Variants in ERCC5 observed in about 807,000 individuals in gnomAD.
The protein encoded by ERCC5 is ERCC excision repair 5, endonuclease.
Under a neutral mutation model 105.6 loss-of-function variants are expected in ERCC5, and 68 were observed. The ratio of observed to expected loss-of-function variants is 0.64; its 90% CI spans 0.53 to 0.79. The LOEUF (loss-of-function observed/expected upper bound fraction) is 0.79, where lower values mean the gene tolerates loss of function less well. ERCC5 is among the 30% of genes least tolerant of loss of function. The pLI is 0.00. For synonymous variants in ERCC5, 546 were observed against 526.2 expected (o/e 1.04, Z -0.51); for missense variants, 1,373 against 1,426.7 (o/e 0.96, Z 0.61).
chr13:102,856,011 T>C, intron 4 of ERCC5, 41 bp from the exon 5 acceptor site: 1 of 1,606,740 alleles, frequency 6.2e-7, no homozygotes, highest in Non-Finnish European at 8.5e-7. Flanking sequence ...TAAGGGGTCC[T>C]TAAAAATCAT....
intron 12 of ERCC5, 76 bp downstream of exon 12, chr13:102,868,333 A>C: frequency 6.4e-7 from 1 of 1,568,582 alleles, no homozygotes; most frequent in South Asian, 1.1e-5. Context: ...TATTTACAGC[A>C]TGAACTGTCA....
chr13:102,848,419 A>G (rs1882063549), intron 1 of ERCC5, among the ~76,000 whole-genome samples: 1 of 152,190 alleles, frequency 6.6e-6, no homozygotes, highest in Non-Finnish European at 1.5e-5. Flanking sequence ...TTATTTATAC[A>G]GTCTAAATGT....
chr13:102,852,087 C>G, intron 1 of ERCC5, 31 bp from the exon 2 acceptor site: 1 of 1,612,536 alleles, frequency 6.2e-7, no homozygotes, highest in Non-Finnish European at 8.5e-7. Context: ...GAGAAAAATC[C>G]CGGAGTTTTT....
chr13:102,867,120 G>A lies in ERCC5; in HGVS notation c.2533+275G>A, dbSNP rs3818356. On this transcript the variant is annotated intron_variant, in intron 11 of 14. Coordinates refer to ENST00000652225, the MANE Select transcript of ERCC5 (RefSeq NM_000123.4). Reference sequence around the variant, plus strand: ...ATCTCCACAGTGAACAAAAGGTGGTGGAGAGGGGAAGCAGGCCGCGCCTGG... The same window carrying A: ...ATCTCCACAGTGAACAAAAGGTGGTAGAGAGGGGAAGCAGGCCGCGCCTGG... 0.22 allele frequency among the ~76,000 whole-genome samples: 34,077 copies of A among 152,058 alleles called. 4,076 individuals are homozygous for A. The highest frequency in any genetic ancestry group is 0.34 in the East Asian group (1,738 of 5,146).
At chr13:102,871,213 C>T (rs1436280295) in intron 12 of ERCC5, among the ~76,000 whole-genome samples, 1 of 152,142 alleles carries the variant, frequency 6.6e-6, no homozygotes, top group Non-Finnish European at 1.5e-5. Context: ...GAGCCAAGAG[C>T]AGGAGGTCCA....
intron 1 of ERCC5, 136 bp from the exon 2 acceptor site, chr13:102,851,981 TA>T: frequency 9.8e-7 from 1 of 1,020,472 alleles, no homozygotes; most frequent in Non-Finnish European, 1.5e-6. Flanking sequence ...CCATGAGAGC[TA>T]AATGTTTTTC....
chr13:102,854,769 G>A (rs950250415), intron 4 of ERCC5, among the ~76,000 whole-genome samples: 14 of 152,134 alleles, frequency 9.2e-5, no homozygotes, highest in Non-Finnish European at 5.9e-5. Flanking sequence ...TCTAGCAGAC[G>A]CTTTGCACGT....
Position 102,862,164 on chromosome 13 carries a change from C to T in ERCC5, c.1015C>T (p.Pro339Ser), listed in dbSNP as rs1882646562. Reference protein sequence around the residue: ...LKTEKEPDATPPSPRTLLAMQ... With the variant: ...LKTEKEPDATSPSPRTLLAMQ... ...GACAGAGAAAGAGCCTGATGCTACC[C>T]CTCCTTCTCCAAGAACTTTACTAGC... Residue 339 changes from proline (P) to serine (S), a missense_variant, in exon 8 of 15, where the codon CCT becomes TCT. Pro to Ser is a moderately conservative substitution (Grantham distance 74). Around this residue, in one of 3 missense-constraint regions of ERCC5, gnomAD observed 1,004 missense variants for 1,059.7 expected, o/e 0.95. Coordinates refer to ENST00000652225, the MANE Select transcript of ERCC5 (RefSeq NM_000123.4). 1 of 1,614,152 alleles carries T rather than the reference C, an allele frequency of 6.2e-7. No homozygotes were observed. The highest frequency in any genetic ancestry group is 8.5e-7 in the Non-Finnish European group (1 of 1,180,024).
chr13:102,848,866 C>CA (rs1314926591), intron 1 of ERCC5, among the ~76,000 whole-genome samples: 1 of 152,118 alleles, frequency 6.6e-6, no homozygotes, highest in African/African-American at 2.4e-5. Flanking sequence ...TGAGAATTGG[C>CA]ATTACCTGTA....
intron 1 of ERCC5, among the ~76,000 whole-genome samples, chr13:102,851,243 TG>T (rs1463425227): frequency 6.6e-6 from 1 of 152,216 alleles, no homozygotes. Flanking sequence ...CACATGCTCC[TG>T]CAACTTCCAT....
At chr13:102,869,943 A>G (rs998793309) in intron 12 of ERCC5, among the ~76,000 whole-genome samples, 2 of 152,144 alleles carry the variant, frequency 1.3e-5, no homozygotes, top group Non-Finnish European at 2.9e-5. Context: ...TCATTTTCAT[A>G]TTTGAGCAGT....
Position 102,863,149 on chromosome 13 carries a change from C to T in ERCC5, c.1954+46C>T, listed in dbSNP as rs750792179. On this transcript the variant is annotated intron_variant, in intron 8 of 14. Coordinates refer to ENST00000652225, the MANE Select transcript of ERCC5 (RefSeq NM_000123.4). Reference sequence around the variant, plus strand: ...AGAAATCTGGAACGGTAGGATTTCCCCTCTGTAGGAATTCAGAGATCGGTT... The same window carrying T: ...AGAAATCTGGAACGGTAGGATTTCCTCTCTGTAGGAATTCAGAGATCGGTT... The T allele has an allele frequency of 1.9e-5, 30 of 1,589,762 alleles. 1 individual carries two copies. In the South Asian group the frequency reaches 3.2e-4, roughly 17 times the overall value.
intron 6 of ERCC5, 31 bp downstream of exon 6, chr13:102,858,449 G>T: frequency 6.2e-7 from 1 of 1,613,850 alleles, no homozygotes. Flanking sequence ...TTCATGCTTA[G>T]AATTAAGAAC....
chr13:102,865,075 G>A lies in ERCC5; in HGVS notation c.1955-592G>A, dbSNP rs1426282708. On this transcript the variant is annotated intron_variant, in intron 8 of 14. Coordinates refer to ENST00000652225, the MANE Select transcript of ERCC5 (RefSeq NM_000123.4). The surrounding 1 kb of genome is among the most constrained non-coding windows in gnomAD (Gnocchi z 4.0). Reference sequence around the variant, plus strand: ...TCTTTGCTTCAGCTGTGTCCTTGGTGCCAGCTCCCAGTCCCTGAGAGCCCC... The same window carrying A: ...TCTTTGCTTCAGCTGTGTCCTTGGTACCAGCTCCCAGTCCCTGAGAGCCCC... 1 of 158,548 alleles carries A rather than the reference G, an allele frequency of 6.3e-6. No individual in the cohort carries two copies. Among genetic ancestry groups the A allele is most frequent in the Non-Finnish European group, 1.4e-5 (1 of 72,006 alleles). 9.8% of individuals were successfully genotyped at this position (158,548 alleles called of 1,614,324 possible).
At chr13:102,868,091 A>T (rs760823770) in intron 11 of ERCC5, 22 bp from the exon 12 acceptor site, 5 of 1,607,772 alleles carry the variant, frequency 3.1e-6, no homozygotes, top group South Asian at 2.2e-5. Context: ...GATAAAAATT[A>T]AAAAATATTG....
At chr13:102,867,091 C>T (rs945107594) in intron 11 of ERCC5, among the ~76,000 whole-genome samples, 2 of 152,136 alleles carry the variant, frequency 1.3e-5, no homozygotes, top group East Asian at 1.9e-4. Context: ...ACTAGTTACC[C>T]GAGATCTCCA....
chr13:102,875,383 G>A lies in ERCC5; in HGVS notation c.3041G>A (p.Arg1014Lys), dbSNP rs1394207823. The change falls in exon 15 of 15, where the codon AGA (arginine) becomes AAA (lysine). Residue 1014 changes from arginine to lysine, a missense_variant. Physicochemically the swap from Arg to Lys is conservative, Grantham distance 26. Coordinates refer to ENST00000652225, the MANE Select transcript of ERCC5 (RefSeq NM_000123.4). ...GATGCTAAACGTATTAAGAGCCAGA[G>A]ACTAAACAGAGCTGTGACATGTATG... is the stretch of plus-strand genomic sequence containing the variant. ...KEDAKRIKSQ[R>K]LNRAVTCMLR... is the part of the protein sequence containing the mutation. 1.9e-6 allele frequency: 3 copies of A among 1,614,044 alleles called. No homozygotes were observed. The Admixed American group carries it at 5.0e-5, about 27-fold the overall frequency.
chr13:102,874,748 C>CTCT (rs1883150284), intron 14 of ERCC5: 1 of 147,620 alleles, frequency 6.8e-6, no homozygotes. Flanking sequence ...TGGTCTCGAT[C>CTCT]TGACCTCGTG....
At chr13:102,854,971 T>C (rs1223564789) in intron 4 of ERCC5, among the ~76,000 whole-genome samples, 5 of 152,220 alleles carry the variant, frequency 3.3e-5, no homozygotes, top group Admixed American at 3.3e-4. Context: ...TTGTCCCCTG[T>C]CCTTCCCTCC....
Sources: allele counts gnomAD v4.1 joint callset (sites outside exome capture counted in the v4.1 genomes callset), GRCh38; gene constraint gnomAD v4.1.1; regional missense constraint gnomAD v4.1.1; non-coding constraint Gnocchi (gnomAD v3.1); transcripts MANE v1.5; gene names NCBI Gene and HGNC (gene_info 2026-07-23, HGNC 2026-07-21).